The following NECAB3 variants were observed in gnomAD, a reference collection of about 807,000 sequenced individuals.
NECAB3 encodes the protein N-terminal EF-hand calcium-binding protein 3.
A neutral mutation model predicts 57.2 loss-of-function variants in NECAB3; 38 were observed. That is an observed-to-expected ratio of 0.66 (90% CI 0.51 to 0.87). The LOEUF (loss-of-function observed/expected upper bound fraction) is 0.87, where lower values mean the gene tolerates loss of function less well. NECAB3 is among the 40% of genes least tolerant of loss of function. The pLI, the probability that NECAB3 is intolerant of heterozygous loss-of-function variation, is 0.00. For synonymous variants in NECAB3, 223 were observed against 222.6 expected (o/e 1.00, Z -0.02); for missense variants, 474 against 527.5 (o/e 0.90, Z 0.99).
Position 33,658,721 on chromosome 20 carries a change from C to T in NECAB3, c.992+1G>A, listed in dbSNP as rs1020895319. 6.2e-7 allele frequency: 1 copy of T among 1,613,482 alleles called. No individual in the cohort carries two copies. The highest frequency in any genetic ancestry group is 1.3e-5 in the African/African-American group (1 of 74,918). Reference sequence around the variant, plus strand: ...ATCCCACCTGCCAGCTGGGGACTCACTGCAGACAATGGCTCTGGGCCCCTG... The same window carrying T: ...ATCCCACCTGCCAGCTGGGGACTCATTGCAGACAATGGCTCTGGGCCCCTG... On this transcript the variant is annotated splice_donor_variant, in intron 9 of 11. Coordinates refer to ENST00000246190, the MANE Select transcript of NECAB3 (RefSeq NM_031232.4). LOFTEE classifies it high-confidence loss of function.
At chr20:33,663,955 G>A in intron 5 of NECAB3, 1 of 1,220,362 alleles carries the variant, frequency 8.2e-7, no homozygotes, top group South Asian at 1.8e-5. Context: ...CGCGGAGTCG[G>A]GGTGGGCAAA....
At position 33,668,093 on chromosome 20, in the gene NECAB3, T is replaced by A. The variant is rs771765998; in HGVS notation, c.387+1282A>T. 5 of 1,601,406 alleles carry A rather than the reference T, an allele frequency of 3.1e-6. No homozygotes were observed. In the South Asian group the frequency reaches 5.6e-5, roughly 18 times the overall value. ...GGCTACGCGGCCCTGCGGCCCCACC[T>A]GGTGGCCAAGCATGGGCGTGGCATG... On this transcript the variant is annotated intron_variant, in intron 5 of 11. Coordinates refer to ENST00000246190, the MANE Select transcript of NECAB3 (RefSeq NM_031232.4).
intron 5 of NECAB3, chr20:33,663,406 T>A (rs1377545068): frequency 1.9e-6 from 2 of 1,039,378 alleles, no homozygotes; most frequent in African/African-American, 3.3e-5. Context: ...CACGAGAGGA[T>A]GACAGGACCC....
At chr20:33,672,290 A>C in intron 2 of NECAB3, 108 bp downstream of exon 2, 3 of 1,363,620 alleles carry the variant, frequency 2.2e-6, no homozygotes, top group Non-Finnish European at 3.1e-6. Context: ...TGGGCCCCCA[A>C]GATTTGTCTC....
In NECAB3 at chr20:33,668,093, T is replaced by G. The variant is rs771765998; in HGVS notation, c.387+1282A>C. ...GGCTACGCGGCCCTGCGGCCCCACC[T>G]GGTGGCCAAGCATGGGCGTGGCATG... On this transcript the variant is annotated intron_variant, in intron 5 of 11. Coordinates refer to ENST00000246190, the MANE Select transcript of NECAB3 (RefSeq NM_031232.4). 1.0e-5 allele frequency: 16 copies of G among 1,601,288 alleles called. No homozygotes were observed. In the East Asian group the frequency reaches 3.6e-4, roughly 36 times the overall value.
At chr20:33,659,117 C>T (rs535276187) in intron 8 of NECAB3, among the ~76,000 whole-genome samples, 1 of 152,256 alleles carries the variant, frequency 6.6e-6, no homozygotes, top group African/African-American at 2.4e-5. Flanking sequence ...ATGCCAGATC[C>T]AACCTACCCT....
In NECAB3 at chr20:33,657,896, C is replaced by T. The variant is rs1437844690; in HGVS notation, c.1163-39G>A. 2.6e-6 allele frequency: 4 copies of T among 1,547,182 alleles called. No individual in the cohort carries two copies. In the South Asian group the frequency reaches 4.8e-5, roughly 19 times the overall value. Reference sequence around the variant, plus strand: ...GCAGGGGGTCAGGAGCCCTCAGGAGCCCACTGCCCCTCCAGGGCCACAGTG... The same window carrying T: ...GCAGGGGGTCAGGAGCCCTCAGGAGTCCACTGCCCCTCCAGGGCCACAGTG... On this transcript the variant is annotated intron_variant, in intron 11 of 11. Coordinates refer to ENST00000246190, the MANE Select transcript of NECAB3 (RefSeq NM_031232.4).
intron 5 of NECAB3, chr20:33,667,696 C>T (rs772970776): frequency 1.9e-6 from 3 of 1,612,190 alleles, no homozygotes; most frequent in Non-Finnish European, 2.5e-6. Flanking sequence ...GAACCCTGAC[C>T]TCTTGCAGCA....
chr20:33,662,372 G>C, intron 5 of NECAB3: 1 of 1,551,394 alleles, frequency 6.4e-7, no homozygotes, highest in Non-Finnish European at 8.7e-7. Flanking sequence ...CCCACAAAAG[G>C]ACCAAAGCAC....
chr20:33,662,589 G>T (rs2017515535), intron 5 of NECAB3: 3 of 1,207,102 alleles, frequency 2.5e-6, no homozygotes, highest in Non-Finnish European at 2.3e-6. Flanking sequence ...GTCCTAGGGG[G>T]TGAGGGAGGA....
intron 5 of NECAB3, chr20:33,667,791 C>T (rs1300690781): frequency 1.9e-6 from 3 of 1,612,482 alleles, no homozygotes; most frequent in Non-Finnish European, 2.5e-6. Flanking sequence ...TCCGCGACCC[C>T]GCCCGCCACC....
chr20:33,674,543 G>T, upstream of NECAB3: 1 of 433,472 alleles, frequency 2.3e-6, no homozygotes, highest in Non-Finnish European at 3.1e-6. Context: ...GGGCCTCCGC[G>T]CTTCCGCGGC....
Position 33,660,754 on chromosome 20 carries a change from T to C in NECAB3, c.388-359A>G, listed in dbSNP as rs1341013349. Among the ~76,000 whole-genome samples, 1 of 152,110 alleles carries C rather than the reference T, an allele frequency of 6.6e-6. No individual in the cohort carries two copies. Among genetic ancestry groups the C allele is most frequent in the South Asian group, 2.1e-4 (1 of 4,822 alleles). ...AGGCTGGGTGGGGGCTATCACGAGG[T>C]ATCCAAGGGCCAATGTTGACACAAG... On this transcript the variant is annotated intron_variant, in intron 5 of 11. Transcript: ENST00000246190. This position sits in a 1 kb window ranked among gnomAD's most constrained non-coding sequence, Gnocchi z 4.1.
Position 33,658,144 on chromosome 20 carries a change from C to T in NECAB3, c.1071-111G>A, listed in dbSNP as rs549933187. 5.5e-3 allele frequency: 5,136 copies of T among 939,838 alleles called. 36 individuals are homozygous for T. Among genetic ancestry groups the T allele is most frequent in the South Asian group, 0.012 (717 of 62,162 alleles). 58.2% of individuals were successfully genotyped at this position (939,838 alleles called of 1,614,324 possible). A position where few individuals can be genotyped will look rare whatever the true frequency, so the allele number is the denominator to read the frequency against. ...CTGCCTCTGGAGCCTCAGTCCTCTC[C>T]CCTGTGACACGGGGAAGCTGTGTGG... is the stretch of plus-strand genomic sequence containing the variant. On this transcript the variant is annotated intron_variant, in intron 10 of 11. Coordinates refer to ENST00000246190, the MANE Select transcript of NECAB3 (RefSeq NM_031232.4).
chr20:33,672,260 CT>C, intron 2 of NECAB3, 137 bp downstream of exon 2: 1 of 1,020,258 alleles, frequency 9.8e-7, no homozygotes, highest in East Asian at 2.4e-5. Context: ...TGGGAAGTGC[CT>C]TGATTGATTC....
Position 33,658,414 on chromosome 20 carries a change from C to A in NECAB3, c.1070+63G>T, listed in dbSNP as rs2122450304. 3.3e-6 allele frequency: 5 copies of A among 1,537,822 alleles called. No homozygotes were observed. The East Asian group carries it at 6.7e-5, about 21-fold the overall frequency. On this transcript the variant is annotated intron_variant, in intron 10 of 11. Transcript: ENST00000246190. ...AGTGAGCGGGAGAGCAGAATTAGAA[C>A]CCTGGCCTGACTCACTCCAGGGCCA... is the stretch of plus-strand genomic sequence containing the variant.
At chr20:33,659,474 G>A (rs1320480926) in intron 8 of NECAB3, 23 bp downstream of exon 8, 7 of 1,445,464 alleles carry the variant, frequency 4.8e-6, no homozygotes, top group East Asian at 2.5e-5. Flanking sequence ...CCATCCAGCC[G>A]CTTGCCCCTC....
intron 5 of NECAB3, chr20:33,662,505 G>C (rs149331538): frequency 6.5e-7 from 1 of 1,546,106 alleles, no homozygotes; most frequent in African/African-American, 1.4e-5. Flanking sequence ...GGGCTGGGGA[G>C]GCAGCTGGGG....
At chr20:33,666,330 C>G (rs2017651583) in intron 5 of NECAB3, among the ~76,000 whole-genome samples, 1 of 152,168 alleles carries the variant, frequency 6.6e-6, no homozygotes, top group South Asian at 2.1e-4. Flanking sequence ...AAGCCAGACC[C>G]CTGGATGCCA....
Sources: allele counts gnomAD v4.1 joint callset (sites outside exome capture counted in the v4.1 genomes callset), GRCh38; gene constraint gnomAD v4.1.1; non-coding constraint Gnocchi (gnomAD v3.1); transcripts MANE v1.5; gene names NCBI Gene and HGNC (gene_info 2026-07-23, HGNC 2026-07-21).